Variants in RNF144A observed in about 807,000 individuals in gnomAD.
RNF144A encodes the protein E3 ubiquitin-protein ligase RNF144A.
In RNF144A, 11 loss-of-function variants were observed where a neutral mutation model predicts 38.7. The ratio of observed to expected loss-of-function variants is 0.28; its 90% CI spans 0.18 to 0.47. RNF144A has a LOEUF of 0.47. Ranked by LOEUF, RNF144A falls within the 20% of genes least tolerant of loss-of-function variation. RNF144A has a pLI of 0.99. For missense variants in RNF144A, 316 were observed against 377.2 expected, an observed-to-expected ratio of 0.84 and a Z score of 1.34; for synonymous variants, 149 against 143.9, an observed-to-expected ratio of 1.04 and a Z score of -0.25.
At chr2:7,046,775 G>T (rs1302650734), downstream of RNF144A, among the ~76,000 whole-genome samples, 1 of 152,208 alleles carries the variant, frequency 6.6e-6, no homozygotes, top group East Asian at 1.9e-4. Flanking sequence ...AAGAAAAATG[G>T]AGTCAATATT....
chr2:7,043,957 G>C lies in RNF144A; in HGVS notation c.*4197G>C. On this transcript the variant is annotated 3_prime_UTR_variant, in exon 9 of 9. Coordinates refer to ENST00000320892, the MANE Select transcript of RNF144A (RefSeq NM_014746.6). Reference sequence around the variant, plus strand: ...CAAAACAGATTTGATTTGTGTTTTTGAAATGTCAGTACATTTTGTGCCACT... The same window carrying C: ...CAAAACAGATTTGATTTGTGTTTTTCAAATGTCAGTACATTTTGTGCCACT... 1 of 985,864 alleles carries C rather than the reference G, an allele frequency of 1.0e-6. No homozygotes were observed. Among genetic ancestry groups the C allele is most frequent in the African/African-American group, 1.7e-5 (1 of 57,362 alleles). The allele number at this position is 985,864 out of a possible 1,614,324, so 61.1% of individuals were successfully genotyped here.
intron 2 of RNF144A, among the ~76,000 whole-genome samples, chr2:6,945,674 C>G (rs1329427174): frequency 6.6e-6 from 1 of 151,468 alleles, no homozygotes; most frequent in African/African-American, 2.4e-5. Flanking sequence ...TGAGGAGACA[C>G]AGGCTGACTT....
At chr2:6,968,990 C>T (rs1667839186) in intron 2 of RNF144A, among the ~76,000 whole-genome samples, 1 of 152,172 alleles carries the variant, frequency 6.6e-6, no homozygotes, top group Non-Finnish European at 1.5e-5. Flanking sequence ...TCTCAGGGTG[C>T]ACCCTGGTAT....
At chr2:6,984,887 C>T (rs1159994249) in intron 2 of RNF144A, among the ~76,000 whole-genome samples, 2 of 152,218 alleles carry the variant, frequency 1.3e-5, no homozygotes, top group African/African-American at 2.4e-5. Flanking sequence ...TCCACTCGTG[C>T]ATCCCACTGG....
intron 7 of RNF144A, 34 bp downstream of exon 7, chr2:7,024,550 T>C (rs200572802): frequency 2.5e-6 from 4 of 1,579,810 alleles, no homozygotes; most frequent in Non-Finnish European, 3.5e-6. Context: ...CTTGCGGCAT[T>C]TAGCTTTGAG....
chr2:7,027,063 A>T (rs982487007), intron 7 of RNF144A, among the ~76,000 whole-genome samples: 2 of 152,198 alleles, frequency 1.3e-5, no homozygotes, highest in Non-Finnish European at 2.9e-5. Context: ...AGCCAAGAGC[A>T]CTCAGAGGAG....
chr2:7,070,728 G>T (rs558383522), downstream of RNF144A, among the ~76,000 whole-genome samples: 1 of 152,128 alleles, frequency 6.6e-6, no homozygotes, highest in Non-Finnish European at 1.5e-5. Flanking sequence ...CACGCCATAC[G>T]ATGGAGGAGG....
intron 2 of RNF144A, among the ~76,000 whole-genome samples, chr2:6,967,020 T>C (rs1269480080): frequency 6.6e-6 from 1 of 152,182 alleles, no homozygotes; most frequent in Non-Finnish European, 1.5e-5. Context: ...TGTCAGTTTT[T>C]ACAGCCATCG....
At chr2:7,065,751 T>C (rs1283101370) in intron 6 of RNF144A, among the ~76,000 whole-genome samples, 1 of 152,264 alleles carries the variant, frequency 6.6e-6, no homozygotes, top group East Asian at 1.9e-4. Context: ...TATTTTACTT[T>C]GGTTCTTCTC....
intron 1 of RNF144A, among the ~76,000 whole-genome samples, chr2:6,931,056 G>C (rs1665180726): frequency 6.6e-6 from 1 of 152,204 alleles, no homozygotes; most frequent in East Asian, 1.9e-4. Context: ...CTCCCAGGCT[G>C]ACCTGATACC....
intron 8 of RNF144A, among the ~76,000 whole-genome samples, chr2:7,033,864 A>G (rs1672483942): frequency 6.6e-6 from 1 of 152,230 alleles, no homozygotes; most frequent in African/African-American, 2.4e-5. Flanking sequence ...GAAGTAGTGC[A>G]CGGGCAAAAT....
chr2:6,972,845 G>C (rs1668081361), intron 2 of RNF144A, among the ~76,000 whole-genome samples: 2 of 152,178 alleles, frequency 1.3e-5, no homozygotes, highest in Admixed American at 1.3e-4. Flanking sequence ...TTAATTCTTT[G>C]CTAGAAAGGT....
At chr2:6,968,969 G>A (rs34726512) in intron 2 of RNF144A, among the ~76,000 whole-genome samples, 44,648 of 152,072 alleles carry the variant, frequency 0.29, 8,277 homozygotes, top group Non-Finnish European at 0.42. Flanking sequence ...CCTCAAGAGC[G>A]CAGCATGTGG....
At chr2:7,031,254 G>C (rs1463172621) in intron 8 of RNF144A, among the ~76,000 whole-genome samples, 1 of 152,198 alleles carries the variant, frequency 6.6e-6, no homozygotes, top group African/African-American at 2.4e-5. Context: ...ATATTAACTT[G>C]TGCTTTCAAC....
At chr2:6,993,216 G>T (rs1397725411) in intron 2 of RNF144A, among the ~76,000 whole-genome samples, 1 of 152,154 alleles carries the variant, frequency 6.6e-6, no homozygotes, top group Non-Finnish European at 1.5e-5. Flanking sequence ...TGTGTATTCT[G>T]TTGGGGAAAG....
intron 6 of RNF144A, among the ~76,000 whole-genome samples, chr2:7,050,333 G>A (rs796740246): frequency 6.6e-5 from 10 of 152,286 alleles, no homozygotes; most frequent in South Asian, 6.2e-4. Flanking sequence ...CTTGCCTGCC[G>A]CCAAGTAAGA....
chr2:6,925,049 A>T (rs1664773647), intron 1 of RNF144A, among the ~76,000 whole-genome samples: 1 of 152,232 alleles, frequency 6.6e-6, no homozygotes. Flanking sequence ...CCACACGGCG[A>T]ATTTTGATAG....
chr2:6,940,746 A>G (rs894171654), intron 1 of RNF144A, among the ~76,000 whole-genome samples: 7 of 152,118 alleles, frequency 4.6e-5, no homozygotes, highest in Non-Finnish European at 2.9e-5. Context: ...TGATGGATTT[A>G]TTCATTAACT....
chr2:7,013,210 T>G (rs1413746654), intron 3 of RNF144A, among the ~76,000 whole-genome samples: 1 of 152,222 alleles, frequency 6.6e-6, no homozygotes. Flanking sequence ...TTGCCTAATA[T>G]TCTTACAACT....
Sources: allele counts gnomAD v4.1 joint callset (sites outside exome capture counted in the v4.1 genomes callset), GRCh38; gene constraint gnomAD v4.1.1; transcripts MANE v1.5; gene names NCBI Gene and HGNC (gene_info 2026-07-23, HGNC 2026-07-21).